HERC2: variants seen among roughly 807,000 people sequenced by gnomAD.
HERC2 encodes the protein HECT and RLD domain containing E3 ubiquitin protein ligase 2.
Under a neutral mutation model 537.7 loss-of-function variants are expected in HERC2, and 102 were observed. The ratio of observed to expected loss-of-function variants is 0.19; its 90% CI spans 0.16 to 0.22. The LOEUF is 0.22. Among genes scored for constraint, HERC2 ranks in the 10% least tolerant of loss-of-function variants. HERC2 has a pLI of 1.00. For synonymous variants in HERC2, 2,224 were observed against 2,466.2 expected, an observed-to-expected ratio of 0.90 and a Z score of 2.91; for missense variants, 4,236 against 6,198.2, an observed-to-expected ratio of 0.68 and a Z score of 10.63.
At chr15:28,156,046 C>G (rs1892975322) in intron 69 of HERC2, among the ~76,000 whole-genome samples, 2 of 152,134 alleles carry the variant, frequency 1.3e-5, no homozygotes, top group South Asian at 4.1e-4. Context: ...TCGTTTTTGT[C>G]AGGTTTGTCA....
intron 4 of HERC2, among the ~76,000 whole-genome samples, chr15:28,287,306 A>G (rs1015356667): frequency 6.6e-6 from 1 of 152,192 alleles, no homozygotes; most frequent in African/African-American, 2.4e-5. Context: ...TTAAAGATGG[A>G]GTGGCTCAAG....
chr15:28,311,053 G>A (rs1333193305), intron 2 of HERC2, among the ~76,000 whole-genome samples: 1 of 136,236 alleles, frequency 7.3e-6, no homozygotes, highest in East Asian at 2.1e-4. Context: ...CTCCAGCCTG[G>A]GTGACAGAGT....
chr15:28,255,917 T>G lies in HERC2; in HGVS notation c.2826A>C (p.Gly942=). 1 of 1,603,482 alleles carries G rather than the reference T, an allele frequency of 6.2e-7. No individual in the cohort carries two copies. The highest frequency in any genetic ancestry group is 8.5e-7 in the Non-Finnish European group (1 of 1,179,748). Residue 942 remains glycine (G), a synonymous_variant, in exon 19 of 93, where the codon GGA becomes GGC. Transcript: ENST00000261609. ...CTGCGTGTAAGGCTGACTCCAACCC[T>G]CCATCAGCCATCAAGCTGCCCACCA... ...DLLVGSLMAD[G]GLESALHAAI... is the part of the protein sequence containing the mutation.
chr15:28,317,429 G>T (rs569170283), intron 2 of HERC2, among the ~76,000 whole-genome samples: 1 of 152,338 alleles, frequency 6.6e-6, no homozygotes, highest in South Asian at 2.1e-4. Flanking sequence ...AACTCTAAGA[G>T]CTTACATTTA....
At chr15:28,300,162 C>T (rs569988698) in intron 2 of HERC2, among the ~76,000 whole-genome samples, 3 of 151,600 alleles carry the variant, frequency 2.0e-5, no homozygotes, top group East Asian at 1.9e-4. Flanking sequence ...TGACTACCTA[C>T]GGGGAAATGG....
chr15:28,201,941 G>A (rs577233212), intron 47 of HERC2, among the ~76,000 whole-genome samples, 172 bp downstream of exon 47: 1 of 151,324 alleles, frequency 6.6e-6, no homozygotes, highest in Non-Finnish European at 1.5e-5. Flanking sequence ...CCCTTCAGTA[G>A]TGAAACACAG....
At position 28,213,877 on chromosome 15, in the gene HERC2, C is replaced by T. The variant is rs1205411072; in HGVS notation, c.6651G>A (p.Leu2217=). Residue 2217 remains leucine (L), a synonymous_variant, in exon 42 of 93, where the codon CTG becomes CTA. Coordinates refer to ENST00000261609, the MANE Select transcript of HERC2 (RefSeq NM_004667.6). ...LAVIGGIDGR[L]RLGGQVMHDE... is the part of the protein sequence containing the mutation. ...CGTGCATAACTTGACCGCCCAGGCGCAGGCGACCATCGATGCCTCCAATCA... is the reference window on the plus strand; with the variant it reads ...CGTGCATAACTTGACCGCCCAGGCGTAGGCGACCATCGATGCCTCCAATCA... The T allele has an allele frequency of 1.9e-6, 3 of 1,614,048 alleles. No homozygotes were observed. The highest frequency in any genetic ancestry group is 1.7e-4 in the Middle Eastern group (1 of 6,058).
chr15:28,295,012 C>T (rs905557411), intron 3 of HERC2, among the ~76,000 whole-genome samples: 1 of 151,832 alleles, frequency 6.6e-6, no homozygotes, highest in Non-Finnish European at 1.5e-5. Context: ...CAAAAAAGAA[C>T]ATGATATTCA....
At chr15:28,160,451 C>A (rs1296937063) in intron 69 of HERC2, among the ~76,000 whole-genome samples, 1 of 152,194 alleles carries the variant, frequency 6.6e-6, no homozygotes, top group Non-Finnish European at 1.5e-5. Context: ...CCTCCCCCAG[C>A]CTGGCTGCTG....
chr15:28,172,776 T>C (rs1894821418), intron 65 of HERC2, among the ~76,000 whole-genome samples: 1 of 152,106 alleles, frequency 6.6e-6, no homozygotes, highest in African/African-American at 2.4e-5. Context: ...TTCATCAAAA[T>C]TAAAAACTTC....
At chr15:28,295,915 C>A (rs925634303) in intron 3 of HERC2, among the ~76,000 whole-genome samples, 1 of 151,938 alleles carries the variant, frequency 6.6e-6, no homozygotes, top group Admixed American at 6.6e-5. Flanking sequence ...TCCACTGAGA[C>A]CTTAAAATAT....
chr15:28,170,914 G>A (rs995010280), intron 65 of HERC2, among the ~76,000 whole-genome samples: 1 of 152,078 alleles, frequency 6.6e-6, no homozygotes, highest in Non-Finnish European at 1.5e-5. Flanking sequence ...TTAGCCATAA[G>A]GAAAATATTA....
chr15:28,284,301 A>C (rs1240489687), intron 4 of HERC2, among the ~76,000 whole-genome samples: 1 of 152,232 alleles, frequency 6.6e-6, no homozygotes, highest in Non-Finnish European at 1.5e-5. Flanking sequence ...ATGGTCAAGT[A>C]AACCACAGAG....
chr15:28,224,469 G>A (rs933910294), intron 35 of HERC2, among the ~76,000 whole-genome samples: 71 of 152,210 alleles, frequency 4.7e-4, no homozygotes, highest in Non-Finnish European at 6.6e-4. Context: ...CGACCCACCC[G>A]CCTCAGCCGC....
chr15:28,257,199 G>A lies in HERC2; in HGVS notation c.2379C>T (p.Asp793=), dbSNP rs2075289759. Residue 793 remains aspartate (D), a synonymous_variant, in exon 17 of 93, where the codon GAC becomes GAT. Coordinates refer to ENST00000261609, the MANE Select transcript of HERC2 (RefSeq NM_004667.6). ...SIGLRVPFVV[D]ICSMTFEQLD... is the part of the protein sequence containing the mutation. ...GCTGCTCAAAAGTCATTGAGCAGAT[G>A]TCCACCACAAAAGGGACACGGAGGC... The A allele has an allele frequency of 6.2e-7, 1 of 1,613,924 alleles. No homozygotes were observed. The highest frequency in any genetic ancestry group is 8.5e-7 in the Non-Finnish European group (1 of 1,179,860).
intron 17 of HERC2, 136 bp downstream of exon 17, chr15:28,256,925 T>C: frequency 1.3e-6 from 1 of 771,736 alleles, no homozygotes; most frequent in South Asian, 1.8e-5. Context: ...TCGCGTCCAT[T>C]ATTAGTGCAT....
intron 65 of HERC2, among the ~76,000 whole-genome samples, chr15:28,173,063 T>C (rs1894848008): frequency 1.3e-5 from 2 of 152,216 alleles, no homozygotes; most frequent in South Asian, 4.1e-4. Flanking sequence ...ACCATACGTC[T>C]ATCAGTATAA....
At position 28,280,394 on chromosome 15, in the gene HERC2, T is replaced by C. The variant is rs950883751; in HGVS notation, c.323-107A>G. Reference sequence around the variant, plus strand: ...CGACAGGTAGTACTCGAAGGCATGATATGTGGCAATAATGGTTTTAACCAC... The same window carrying C: ...CGACAGGTAGTACTCGAAGGCATGACATGTGGCAATAATGGTTTTAACCAC... On this transcript the variant is annotated intron_variant, in intron 4 of 92. Transcript: ENST00000261609. The C allele has an allele frequency of 1.1e-5, 10 of 872,430 alleles. No individual in the cohort carries two copies. The African/African-American group carries it at 1.5e-4, about 13-fold the overall frequency. The allele number at this position is 872,430 out of a possible 1,614,324, so 54.0% of individuals were successfully genotyped here. A position where few individuals can be genotyped will look rare whatever the true frequency, so the allele number is the denominator to read the frequency against.
chr15:28,238,369 TG>T (rs1834734377), intron 24 of HERC2, 152 bp from the exon 25 acceptor site: 1 of 789,606 alleles, frequency 1.3e-6, no homozygotes, highest in African/African-American at 1.7e-5. Flanking sequence ...CAGGGTTGCC[TG>T]GGCCAACTCA....
Sources: gnomAD v4.1 joint callset for allele counts (sites outside exome capture counted in the v4.1 genomes callset) on GRCh38, gnomAD v4.1.1 for gene constraint, MANE v1.5 for transcripts, NCBI Gene and HGNC (gene_info 2026-07-23, HGNC 2026-07-21) for gene names.